TPRG1: variants seen among roughly 807,000 people sequenced by gnomAD.
The protein encoded by TPRG1 is tumor protein p63-regulated gene 1 protein.
In TPRG1, 29 loss-of-function variants were observed where a neutral mutation model predicts 29.3. That is an observed-to-expected ratio of 0.99 (90% CI 0.74 to 1.35). The LOEUF (loss-of-function observed/expected upper bound fraction) is 1.35. TPRG1 is among the 40% of genes most tolerant of loss of function. TPRG1 has a pLI of 0.00. For synonymous variants in TPRG1, 130 were observed against 116.8 expected (o/e 1.11, Z -0.73); for missense variants, 327 against 335.0 (o/e 0.98, Z 0.19).
At chr3:189,320,099 TA>T (rs1431134887) in intron 5 of TPRG1, among the ~76,000 whole-genome samples, 1 of 152,080 alleles carries the variant, frequency 6.6e-6, no homozygotes, top group Admixed American at 6.6e-5. Flanking sequence ...TCAAAATTTT[TA>T]TGAATATTTT....
At chr3:189,300,523 G>A (rs1323931465) in intron 4 of TPRG1, among the ~76,000 whole-genome samples, 1 of 152,156 alleles carries the variant, frequency 6.6e-6, no homozygotes, top group African/African-American at 2.4e-5. Context: ...CCTGTTATAT[G>A]CTTCCCACTC....
chr3:189,145,858 G>C (rs577186739), intron 3 of TPRG1, among the ~76,000 whole-genome samples: 1 of 152,166 alleles, frequency 6.6e-6, no homozygotes, highest in Admixed American at 6.5e-5. Flanking sequence ...ACTTCAGAAA[G>C]TACGTTAATG....
intron 4 of TPRG1, among the ~76,000 whole-genome samples, chr3:189,148,102 G>A (rs1292590671): frequency 2.6e-5 from 4 of 152,190 alleles, no homozygotes; most frequent in Non-Finnish European, 4.4e-5. Flanking sequence ...GTGTTTGTAG[G>A]ATTTGTTTGT....
At chr3:189,007,198 A>G (rs1712337039) in intron 3 of TPRG1, among the ~76,000 whole-genome samples, 1 of 152,116 alleles carries the variant, frequency 6.6e-6, no homozygotes, top group Admixed American at 6.6e-5. Context: ...CCAAATTTAC[A>G]AGAAAAAAAC....
chr3:189,110,572 G>A (rs1046368978), intron 1 of TPRG1, among the ~76,000 whole-genome samples: 3 of 151,884 alleles, frequency 2.0e-5, no homozygotes, highest in African/African-American at 4.8e-5. Flanking sequence ...AAAAAATTTG[G>A]CTTAGACTTT....
At chr3:189,247,082 G>A (rs1741481700) in intron 4 of TPRG1, among the ~76,000 whole-genome samples, 1 of 151,714 alleles carries the variant, frequency 6.6e-6, no homozygotes. Context: ...TTGTTTTCCT[G>A]GTACTTAAAT....
At position 189,320,830 on chromosome 3, in the gene TPRG1, T is replaced by G. The variant is rs529505788; in HGVS notation, c.*10T>G. ...GAGTATTGGTTTTTGAGAGTCTTTT[T>G]GGTACCATAAGCATATCATCCACAG... is the stretch of plus-strand genomic sequence containing the variant. On this transcript the variant is annotated 3_prime_UTR_variant, in exon 6 of 6. Transcript: ENST00000345063. 6.5e-5 allele frequency: 102 copies of G among 1,558,696 alleles called. No individual in the cohort carries two copies. In the South Asian group the frequency reaches 1.2e-3, roughly 18 times the overall value.
chr3:189,272,705 CTTTCTTTCTCCTTCCT>C (rs1715386151), intron 4 of TPRG1, among the ~76,000 whole-genome samples: 2 of 136,372 alleles, frequency 1.5e-5, no homozygotes, highest in African/African-American at 5.9e-5. Context: ...CTCTTTCTTT[CTTTCTTTCTCCTTCCT>C]TCCTTCCTTC....
chr3:189,210,968 C>T (rs1450054134), intron 2 of TPRG1, among the ~76,000 whole-genome samples: 1 of 152,102 alleles, frequency 6.6e-6, no homozygotes, highest in Non-Finnish European at 1.5e-5. Context: ...AATTATTGCA[C>T]AGGAGGTGGT....
chr3:189,292,936 G>A (rs1432453418), intron 4 of TPRG1, among the ~76,000 whole-genome samples: 2 of 152,090 alleles, frequency 1.3e-5, no homozygotes, highest in African/African-American at 4.8e-5. Flanking sequence ...GGGTGTATTG[G>A]GCTGCTTTCT....
intron 4 of TPRG1, among the ~76,000 whole-genome samples, chr3:189,298,724 G>T (rs1455389661): frequency 6.6e-6 from 1 of 152,192 alleles, no homozygotes; most frequent in Non-Finnish European, 1.5e-5. Flanking sequence ...AACCTAGAGG[G>T]TATGTGTGTG....
intron 4 of TPRG1, among the ~76,000 whole-genome samples, chr3:189,084,354 A>G (rs1250643282): frequency 1.3e-5 from 2 of 152,182 alleles, no homozygotes; most frequent in African/African-American, 4.8e-5. Flanking sequence ...TGAATTAAGA[A>G]ACTTTCTGCT....
chr3:189,236,571 C>T (rs1249058565), intron 3 of TPRG1, among the ~76,000 whole-genome samples: 1 of 152,102 alleles, frequency 6.6e-6, no homozygotes, highest in Non-Finnish European at 1.5e-5. Context: ...AACTGTTGAA[C>T]CAAGACTTAA....
chr3:189,312,124 T>C (rs1331095576), intron 5 of TPRG1, among the ~76,000 whole-genome samples: 37 of 36,586 alleles, frequency 1.0e-3, no homozygotes, highest in African/African-American at 4.6e-3. Flanking sequence ...TTTGTTTCTT[T>C]CTTTCTTTCT....
chr3:189,263,146 A>C (rs1267197802), intron 4 of TPRG1, among the ~76,000 whole-genome samples: 2 of 152,254 alleles, frequency 1.3e-5, no homozygotes, highest in Non-Finnish European at 2.9e-5. Context: ...AAGACTGGGA[A>C]GTAGGCATTA....
chr3:189,206,956 T>C (rs1476013753), intron 1 of TPRG1, among the ~76,000 whole-genome samples: 1 of 152,250 alleles, frequency 6.6e-6, no homozygotes, highest in Non-Finnish European at 1.5e-5. Flanking sequence ...TCTTATGCTC[T>C]ATTATGACTC....
chr3:189,265,008 C>A (rs960513424), intron 4 of TPRG1, among the ~76,000 whole-genome samples: 1 of 152,104 alleles, frequency 6.6e-6, no homozygotes, highest in African/African-American at 2.4e-5. Context: ...ACATGGCCAG[C>A]AAATAGTGAG....
chr3:189,098,624 A>G (rs1718851867), upstream of TPRG1, among the ~76,000 whole-genome samples: 1 of 152,006 alleles, frequency 6.6e-6, no homozygotes, highest in Non-Finnish European at 1.5e-5. Flanking sequence ...GTTCTCATAA[A>G]TTACTCAAAG....
At chr3:189,251,294 A>G (rs1196578031) in intron 4 of TPRG1, among the ~76,000 whole-genome samples, 1 of 152,192 alleles carries the variant, frequency 6.6e-6, no homozygotes, top group Non-Finnish European at 1.5e-5. Context: ...CTTTGGCTTA[A>G]TATGAAGGAA....
Sources: gnomAD v4.1 joint callset for allele counts (sites outside exome capture counted in the v4.1 genomes callset) on GRCh38, gnomAD v4.1.1 for gene constraint, MANE v1.5 for transcripts, NCBI Gene and HGNC (gene_info 2026-07-23, HGNC 2026-07-21) for gene names.